Variants in ATP6V1C1 observed in about 807,000 individuals in gnomAD.
The protein encoded by ATP6V1C1 is V-type proton ATPase subunit C 1.
A neutral mutation model predicts 53.9 loss-of-function variants in ATP6V1C1; 45 were observed. The observed-to-expected ratio is 0.83, with a 90% confidence interval of 0.66 to 1.07. ATP6V1C1 has a LOEUF of 1.07. Among genes scored for constraint, ATP6V1C1 ranks in the 50% least tolerant of loss-of-function variants. The pLI is 0.00. For missense variants in ATP6V1C1, 315 were observed against 440.3 expected (o/e 0.72, Z 2.55); for synonymous variants, 153 against 155.2 (o/e 0.99, Z 0.11).
chr8:103,044,210 G>A (rs1207964743), intron 3 of ATP6V1C1, among the ~76,000 whole-genome samples: 2 of 152,174 alleles, frequency 1.3e-5, no homozygotes, highest in Non-Finnish European at 2.9e-5. Context: ...GATTGTATCT[G>A]TGAAGCACAA....
chr8:103,050,775 A>G (rs1336818834), intron 4 of ATP6V1C1, among the ~76,000 whole-genome samples: 1 of 152,194 alleles, frequency 6.6e-6, no homozygotes, highest in Non-Finnish European at 1.5e-5. Context: ...TATGAGGCAT[A>G]TTAGGAATAT....
In ATP6V1C1 at chr8:103,070,109, T is replaced by A. The variant is rs575854543; in HGVS notation, c.*1362T>A. 1 of 152,340 alleles carries A rather than the reference T, an allele frequency of 6.6e-6. No individual in the cohort carries two copies. The highest frequency in any genetic ancestry group is 2.1e-4 in the South Asian group (1 of 4,832). The allele number at this position is 152,340 out of a possible 1,614,324, so 9.4% of individuals were successfully genotyped here. ...ACATCCTGTCACTTGCTTTTTTGCT[T>A]AAGAGTATATCTAAGAGAATCCTTT... On this transcript the variant is annotated 3_prime_UTR_variant, in exon 13 of 13. Coordinates refer to ENST00000518738, the MANE Select transcript of ATP6V1C1 (RefSeq NM_001695.5).
At position 103,032,371 on chromosome 8, in the gene ATP6V1C1, T is replaced by C. The variant is rs1816814056; in HGVS notation, c.-39-8427T>C. Among the ~76,000 whole-genome samples the C allele has an allele frequency of 2.0e-5, 3 of 152,244 alleles. No individual in the cohort carries two copies. The South Asian group carries it at 6.2e-4, about 31-fold the overall frequency. ...ATGAAAAGGCCAAGAACACTAAGTG[T>C]TGGTGGAGCATCTGGAGGCTGAATA... On this transcript the variant is annotated intron_variant, in intron 1 of 12. Coordinates refer to ENST00000518738, the MANE Select transcript of ATP6V1C1 (RefSeq NM_001695.5).
rs780815760 is a variant in ATP6V1C1 at position 103,068,921 on chromosome 8, A to AAT, written c.*186_*187dup. On this transcript the variant is annotated 3_prime_UTR_variant, in exon 13 of 13. Transcript: ENST00000518738. Reference sequence around the variant, plus strand: ...TCAACATTTTCTTTTTAAAGGAAAAAATATATATATATAGTTTCTTTTTAT... The same window carrying AAT: ...TCAACATTTTCTTTTTAAAGGAAAAAATATATATATATATAGTTTCTTTTTAT... 408 of 370,018 alleles carry AAT rather than the reference A, an allele frequency of 1.1e-3. 1 individual carries two copies. In the East Asian group the frequency reaches 0.013, roughly 11 times the overall value. 22.9% of individuals were successfully genotyped at this position (370,018 alleles called of 1,614,324 possible).
intron 1 of ATP6V1C1, among the ~76,000 whole-genome samples, chr8:103,027,409 G>A (rs904582035): frequency 6.6e-6 from 1 of 152,144 alleles, no homozygotes; most frequent in African/African-American, 2.4e-5. Flanking sequence ...GTTTTCTGTG[G>A]TTGCCCCTAT....
Position 103,042,347 on chromosome 8 carries a change from C to T in ATP6V1C1, c.140C>T (p.Thr47Met). ...AATATATTTTCCTTTTAGGTTGGCACGTTGGATGTCTTGGTTGGCTTGTCA... is the reference window on the plus strand; with the variant it reads ...AATATATTTTCCTTTTAGGTTGGCATGTTGGATGTCTTGGTTGGCTTGTCA... ...KFNIPDLKVG[T>M]LDVLVGLSDE... The change falls in exon 3 of 13, where the codon ACG becomes ATG. Residue 47 changes from threonine (T) to methionine (M), a missense_variant. Physicochemically the swap from Thr to Met is moderately conservative, Grantham distance 81. Transcript: ENST00000518738. 3 of 1,613,182 alleles carry T rather than the reference C, an allele frequency of 1.9e-6. No individual in the cohort carries two copies. The highest frequency in any genetic ancestry group is 2.2e-5 in the East Asian group (1 of 44,824).
intron 1 of ATP6V1C1, among the ~76,000 whole-genome samples, chr8:103,024,986 G>A (rs553002528): frequency 6.6e-6 from 1 of 152,272 alleles, no homozygotes; most frequent in East Asian, 1.9e-4. Context: ...CAGTGGAGGA[G>A]AAGTGCTTTG....
chr8:103,029,880 G>A (rs866464724), intron 1 of ATP6V1C1, among the ~76,000 whole-genome samples: 11 of 151,990 alleles, frequency 7.2e-5, no homozygotes, highest in African/African-American at 2.4e-4. Context: ...CTATAGGCAT[G>A]CACCACCATG....
intron 5 of ATP6V1C1, among the ~76,000 whole-genome samples, chr8:103,051,529 G>A (rs1586320779): frequency 6.6e-6 from 1 of 152,078 alleles, no homozygotes; most frequent in East Asian, 1.9e-4. Flanking sequence ...TACAATACTT[G>A]TTCAAACATT....
chr8:103,027,320 A>C (rs1312968232), intron 1 of ATP6V1C1, among the ~76,000 whole-genome samples: 1 of 152,212 alleles, frequency 6.6e-6, no homozygotes, highest in Non-Finnish European at 1.5e-5. Context: ...AGGTGATTGC[A>C]TTTCAGAGAC....
intron 1 of ATP6V1C1, among the ~76,000 whole-genome samples, chr8:103,033,189 G>A (rs1293109585): frequency 6.6e-6 from 1 of 152,200 alleles, no homozygotes; most frequent in African/African-American, 2.4e-5. Context: ...GTGAGATAGG[G>A]ATTGACTGGA....
At chr8:103,059,578 T>C (rs142130554) in intron 8 of ATP6V1C1, among the ~76,000 whole-genome samples, 2 of 141,926 alleles carry the variant, frequency 1.4e-5, no homozygotes, top group South Asian at 2.5e-4. Context: ...CCACCTTCCA[T>C]AGTATTTGGT....
chr8:103,026,955 A>G (rs1297579206), intron 1 of ATP6V1C1, among the ~76,000 whole-genome samples: 1 of 152,234 alleles, frequency 6.6e-6, no homozygotes, highest in Non-Finnish European at 1.5e-5. Flanking sequence ...AGCCCCTCCC[A>G]CAATCCCAAT....
At chr8:103,050,703 A>G (rs1480857609) in intron 4 of ATP6V1C1, among the ~76,000 whole-genome samples, 1 of 144,938 alleles carries the variant, frequency 6.9e-6, no homozygotes, top group Non-Finnish European at 1.5e-5. Context: ...ACATACTTTT[A>G]TGAAATTCTA....
At chr8:103,067,665 A>C (rs1817519380) in intron 12 of ATP6V1C1, among the ~76,000 whole-genome samples, 2 of 128,146 alleles carry the variant, frequency 1.6e-5, no homozygotes, top group Admixed American at 1.9e-4. Flanking sequence ...AAGTGGCGTG[A>C]TCTTGGCTCA....
At chr8:103,054,976 T>C (rs1018059238) in intron 7 of ATP6V1C1, among the ~76,000 whole-genome samples, 3 of 152,170 alleles carry the variant, frequency 2.0e-5, no homozygotes, top group African/African-American at 7.2e-5. Context: ...TATTGCAGTA[T>C]GCTAGAAAAA....
At chr8:103,032,698 G>A (rs1346311183) in intron 1 of ATP6V1C1, among the ~76,000 whole-genome samples, 2 of 152,016 alleles carry the variant, frequency 1.3e-5, no homozygotes, top group African/African-American at 4.8e-5. Flanking sequence ...GACTGGTTTC[G>A]AACTCCTGGC....
intron 1 of ATP6V1C1, 91 bp downstream of exon 1, chr8:103,021,316 G>T (rs539926851): frequency 2.5e-4 from 39 of 153,022 alleles, no homozygotes; most frequent in Admixed American, 2.5e-3. Context: ...GCGGGTGGGT[G>T]CGGGGGCAGA....
intron 11 of ATP6V1C1, among the ~76,000 whole-genome samples, 174 bp downstream of exon 11, chr8:103,064,985 CT>C (rs1253716412): frequency 1.3e-5 from 2 of 152,156 alleles, no homozygotes; most frequent in African/African-American, 4.8e-5. Flanking sequence ...GCATATTAGT[CT>C]TGTTCTTTAG....
Sources: allele counts gnomAD v4.1 joint callset (sites outside exome capture counted in the v4.1 genomes callset), GRCh38; gene constraint gnomAD v4.1.1; transcripts MANE v1.5; gene names NCBI Gene and HGNC (gene_info 2026-07-23, HGNC 2026-07-21).